The following EPCIP variants were observed in gnomAD, a reference collection of about 807,000 sequenced individuals.
The protein encoded by EPCIP is exosomal polycystin 1 interacting protein.
At chr21:32,793,954 C>T in the EPCIP span, 1 of 1,614,144 alleles carries the variant, frequency 6.2e-7, no homozygotes, top group Non-Finnish European at 8.5e-7. Context: ...CTTTGTGTAA[C>T]CACATGGGCT....
the EPCIP span, chr21:32,797,572 G>A: frequency 2.0e-5 from 3 of 153,194 alleles, no homozygotes; most frequent in Non-Finnish European, 4.4e-5. Flanking sequence ...TTAGTTCAAG[G>A]TTCTCTTTCA....
chr21:32,792,476 T>A, the EPCIP span, among the ~76,000 whole-genome samples: 1 of 152,182 alleles, frequency 6.6e-6, no homozygotes, highest in Non-Finnish European at 1.5e-5. Flanking sequence ...CCTAATGTAG[T>A]TAAACATAGC....
the EPCIP span, chr21:32,791,212 C>T: frequency 6.6e-6 from 1 of 152,178 alleles, no homozygotes; most frequent in Non-Finnish European, 1.5e-5. Flanking sequence ...AAATCTGAAA[C>T]CTCAGGCTTG....
chr21:32,813,607 C>T, the EPCIP span: 15 of 471,020 alleles, frequency 3.2e-5, no homozygotes, highest in South Asian at 1.9e-4. Flanking sequence ...AGAGTTCCAC[C>T]GTGAGGCCTC....
the EPCIP span, among the ~76,000 whole-genome samples, chr21:32,812,128 G>A: frequency 6.6e-6 from 1 of 152,210 alleles, no homozygotes. Context: ...CTCAGAGAGT[G>A]AGCCACTGGG....
At chr21:32,793,850 C>T in the EPCIP span, 6 of 1,613,952 alleles carry the variant, frequency 3.7e-6, no homozygotes, top group Admixed American at 6.7e-5. Context: ...GTTGGCAATG[C>T]TGGTAACGTT....
At chr21:32,800,803 CA>C in the EPCIP span, among the ~76,000 whole-genome samples, 4 of 11,106 alleles carry the variant, frequency 3.6e-4, no homozygotes, top group South Asian at 0.012. Flanking sequence ...GACTCTGTCT[CA>C]AAAAAACAAA....
the EPCIP span, among the ~76,000 whole-genome samples, chr21:32,809,151 G>A: frequency 6.7e-6 from 1 of 149,088 alleles, no homozygotes; most frequent in Non-Finnish European, 1.5e-5. Context: ...GAGGCATCAC[G>A]GCATGTTGTG....
chr21:32,799,801 G>T, the EPCIP span, among the ~76,000 whole-genome samples: 2 of 152,124 alleles, frequency 1.3e-5, no homozygotes, highest in Non-Finnish European at 2.9e-5. Flanking sequence ...AATTAGCCAG[G>T]TGTGGTGGTG....
chr21:32,811,559 G>A, the EPCIP span, among the ~76,000 whole-genome samples: 1 of 152,164 alleles, frequency 6.6e-6, no homozygotes, highest in Admixed American at 6.5e-5. Flanking sequence ...GAAGAGTCAT[G>A]GTGGAAATTA....
chr21:32,796,854 A>G, the EPCIP span: 2 of 401,536 alleles, frequency 5.0e-6, no homozygotes, highest in Non-Finnish European at 1.0e-5. Flanking sequence ...GCCCACCCTG[A>G]CCCTAGCCTT....
At chr21:32,795,319 G>A in the EPCIP span, among the ~76,000 whole-genome samples, 1 of 152,166 alleles carries the variant, frequency 6.6e-6, no homozygotes, top group Non-Finnish European at 1.5e-5. Context: ...GGATGCATGG[G>A]TAATTTAAAG....
chr21:32,794,213 G>T, the EPCIP span: 1 of 1,614,272 alleles, frequency 6.2e-7, no homozygotes, highest in Non-Finnish European at 8.5e-7. Flanking sequence ...TCGCTCTACT[G>T]CAAGGGGCAG....
chr21:32,801,799 C>T, the EPCIP span, among the ~76,000 whole-genome samples: 6 of 151,706 alleles, frequency 4.0e-5, no homozygotes, highest in Non-Finnish European at 7.4e-5. Context: ...GCCGAGATTG[C>T]GCCATTGCAC....
the EPCIP span, among the ~76,000 whole-genome samples, chr21:32,803,107 G>A: frequency 6.6e-6 from 1 of 152,272 alleles, no homozygotes; most frequent in Non-Finnish European, 1.5e-5. Flanking sequence ...AGTAGGTGGA[G>A]TAGCTCTCCG....
At chr21:32,809,279 C>CCTTCCTTTCTTCCTTTCTTTCTTTCTTT in the EPCIP span, among the ~76,000 whole-genome samples, 1 of 79,968 alleles carries the variant, frequency 1.3e-5, no homozygotes, top group African/African-American at 4.6e-5. Context: ...CTCCCTCCTT[C>CCTTCCTTTCTTCCTTTCTTTCTTTCTTT]CTTTCTTTCT....
the EPCIP span, among the ~76,000 whole-genome samples, chr21:32,802,038 C>G: frequency 6.6e-6 from 1 of 152,122 alleles, no homozygotes; most frequent in African/African-American, 2.4e-5. Flanking sequence ...TATAAGACAT[C>G]TGGAGGTCCA....
chr21:32,808,780 G>A, the EPCIP span, among the ~76,000 whole-genome samples: 1 of 152,190 alleles, frequency 6.6e-6, no homozygotes, highest in South Asian at 2.1e-4. Flanking sequence ...CCATACTCAT[G>A]TAAGATGTTA....
the EPCIP span, among the ~76,000 whole-genome samples, chr21:32,800,770 C>T: frequency 2.0e-5 from 3 of 151,118 alleles, no homozygotes; most frequent in Admixed American, 6.6e-5. Flanking sequence ...GAGCTGAGAT[C>T]GCGCCATTGC....
Sources: allele counts gnomAD v4.1 joint callset (sites outside exome capture counted in the v4.1 genomes callset), GRCh38; gene constraint gnomAD v4.1.1; transcripts MANE v1.5; gene names NCBI Gene and HGNC (gene_info 2026-07-23, HGNC 2026-07-21).